The following GPANK1 variants were observed in gnomAD, a reference collection of about 807,000 sequenced individuals.
GPANK1 encodes G-patch domain and ankyrin repeats 1.
GPANK1 carries 22 observed loss-of-function variants against 24.0 expected under a neutral mutation model. That is an observed-to-expected ratio of 0.92 (90% confidence interval 0.66 to 1.31). The LOEUF is 1.31. GPANK1 is among the 50% of genes most tolerant of loss of function. The pLI, the probability that GPANK1 is intolerant of heterozygous loss-of-function variation, is 0.00. For synonymous variants in GPANK1, 174 were observed against 177.4 expected (o/e 0.98, Z 0.15); for missense variants, 469 against 453.5 (o/e 1.03, Z -0.31).
At position 31,661,230 on chromosome 6, in the gene GPANK1, G is replaced by C. The variant is rs1448555126; in HGVS notation, c.*1036C>G. The C allele has an allele frequency of 7.1e-6, 1 of 141,470 alleles. No homozygotes were observed. The highest frequency in any genetic ancestry group is 1.5e-5 in the Non-Finnish European group (1 of 66,486). The allele number at this position is 141,470 out of a possible 1,614,324, so 8.8% of individuals were successfully genotyped here. Reference sequence around the variant, plus strand: ...TGGGAAAGAAAAGTGTAGACAAATGGGTGGAACAAAGAAGTTTAAAGTTTA... The same window carrying C: ...TGGGAAAGAAAAGTGTAGACAAATGCGTGGAACAAAGAAGTTTAAAGTTTA... On this transcript the variant is annotated 3_prime_UTR_variant, in exon 3 of 3. Coordinates refer to ENST00000375896, the MANE Select transcript of GPANK1 (RefSeq NM_033177.4).
upstream of GPANK1, chr6:31,665,881 C>T: frequency 9.0e-7 from 1 of 1,107,608 alleles, no homozygotes. Context: ...CTTCCGGTGG[C>T]TTCTCGTTGT....
Position 31,664,331 on chromosome 6 carries a change from C to T in GPANK1, c.148G>A (p.Asp50Asn), listed in dbSNP as rs1043134390. 2 of 1,614,068 alleles carry T rather than the reference C, an allele frequency of 1.2e-6. No individual in the cohort carries two copies. Among genetic ancestry groups the T allele is most frequent in the African/African-American group, 2.7e-5 (2 of 74,906 alleles). ...TGGGAGTCAGGAGCGCTGCTCTCAT[C>T]CCCAATCAGGGCCTCATAGAAAGCT... is the stretch of plus-strand genomic sequence containing the variant. ...ARAFYEALIG[D>N]ESSAPDSQRS... is the part of the protein sequence containing the mutation. The change falls in exon 2 of 3, where the codon GAT (aspartate) becomes AAT (asparagine). Residue 50 changes from aspartate (D) to asparagine (N), a missense_variant. Asp to Asn is a conservative substitution (Grantham distance 23). Transcript: ENST00000375896.
chr6:31,665,871 C>T (rs2151178486), upstream of GPANK1: 1 of 1,114,624 alleles, frequency 9.0e-7, no homozygotes, highest in African/African-American at 1.6e-5. Flanking sequence ...CTGGCTTCCG[C>T]TTCCGGTGGC....
Position 31,662,544 on chromosome 6 carries a change from T to C in GPANK1, c.793A>G (p.Arg265Gly). ...CCCATTCCTGGCTCCCAGCCCCCCC[T>C]CAGCAGCAGTTTGAAGCCCGGGCTG... ...ISSPGFKLLLRGGWEPGMGLG... is the reference protein window; with the variant it reads ...ISSPGFKLLLGGGWEPGMGLG... Residue 265 changes from arginine to glycine, a missense_variant, in exon 3 of 3, where the codon AGG becomes GGG. By Grantham distance (125) the Arg-to-Gly change is moderately radical. Coordinates refer to ENST00000375896, the MANE Select transcript of GPANK1 (RefSeq NM_033177.4). The surrounding 1 kb of genome is among the most constrained non-coding windows in gnomAD (Gnocchi z 5.5). 6.2e-7 allele frequency: 1 copy of C among 1,612,808 alleles called. No individual in the cohort carries two copies. The highest frequency in any genetic ancestry group is 8.5e-7 in the Non-Finnish European group (1 of 1,179,930).
chr6:31,664,572 A>G lies in GPANK1; in HGVS notation c.-94T>C. On this transcript the variant is annotated 5_prime_UTR_variant, in exon 2 of 3. Coordinates refer to ENST00000375896, the MANE Select transcript of GPANK1 (RefSeq NM_033177.4). ...GTGACCCTGTAGCAACCACAGCCTCAGAGACCTGCTGGGATGAGAAAAAGT... is the reference window on the plus strand; with the variant it reads ...GTGACCCTGTAGCAACCACAGCCTCGGAGACCTGCTGGGATGAGAAAAAGT... 1 of 954,726 alleles carries G rather than the reference A, an allele frequency of 1.0e-6. No homozygotes were observed. 59.1% of individuals were successfully genotyped at this position (954,726 alleles called of 1,614,324 possible). A position where few individuals can be genotyped will look rare whatever the true frequency, so the allele number is the denominator to read the frequency against.
At position 31,664,367 on chromosome 6, in the gene GPANK1, C is replaced by A. The variant is rs1801342631; in HGVS notation, c.112G>T (p.Ala38Ser). Reference sequence around the variant, plus strand: ...GCCTCATAGAAAGCTCGGGCTGCAGCCCCATCCAGGGTGGACTCTGGCTTC... The same window carrying A: ...GCCTCATAGAAAGCTCGGGCTGCAGACCCATCCAGGGTGGACTCTGGCTTC... ...PEKPESTLDG[A>S]AARAFYEALI... Residue 38 changes from alanine to serine, a missense_variant, in exon 2 of 3, where the codon GCT becomes TCT. Physicochemically the swap from Ala to Ser is moderately conservative, Grantham distance 99. Coordinates refer to ENST00000375896, the MANE Select transcript of GPANK1 (RefSeq NM_033177.4). 1 of 1,614,184 alleles carries A rather than the reference C, an allele frequency of 6.2e-7. No individual in the cohort carries two copies. Among genetic ancestry groups the A allele is most frequent in the Non-Finnish European group, 8.5e-7 (1 of 1,180,000 alleles).
rs1468563321 is a variant in GPANK1 at position 31,661,840 on chromosome 6, G to C, written c.*426C>G. On this transcript the variant is annotated 3_prime_UTR_variant, in exon 3 of 3. Transcript: ENST00000375896. Reference sequence around the variant, plus strand: ...TTGTGAAATCAGTGAATTGGCTGTAGTCAGGGAACTCCTCCTGGGGGAAGT... The same window carrying C: ...TTGTGAAATCAGTGAATTGGCTGTACTCAGGGAACTCCTCCTGGGGGAAGT... 2 of 187,876 alleles carry C rather than the reference G, an allele frequency of 1.1e-5. No homozygotes were observed. The highest frequency in any genetic ancestry group is 2.2e-5 in the Non-Finnish European group (2 of 92,340). 11.6% of individuals were successfully genotyped at this position (187,876 alleles called of 1,614,324 possible). A position where few individuals can be genotyped will look rare whatever the true frequency, so the allele number is the denominator to read the frequency against.
At position 31,664,193 on chromosome 6, in the gene GPANK1, T is replaced by G; in HGVS notation, c.286A>C (p.Arg96=). 6.2e-7 allele frequency: 1 copy of G among 1,614,264 alleles called. No individual in the cohort carries two copies. The highest frequency in any genetic ancestry group is 8.5e-7 in the Non-Finnish European group (1 of 1,180,032). The part of the protein sequence containing the change: ...EGASGRHGQG[R]SLEAEDKMTH... ...ATCTTATCCTCAGCCTCAAGGGATCTCCCTTGTCCATGTCTTCCTGATGCT... is the reference window on the plus strand; with the variant it reads ...ATCTTATCCTCAGCCTCAAGGGATCGCCCTTGTCCATGTCTTCCTGATGCT... The change falls in exon 2 of 3, where the codon AGA becomes CGA. Residue 96 remains arginine, a synonymous_variant. Transcript: ENST00000375896.
At chr6:31,665,374 G>C, upstream of GPANK1, 1 of 1,381,680 alleles carries the variant, frequency 7.2e-7, no homozygotes, top group Non-Finnish European at 1.0e-6. Context: ...GCCGTGTAAT[G>C]AAATAACGTC....
In GPANK1 at chr6:31,662,639, G is replaced by T; in HGVS notation, c.698C>A (p.Ser233Tyr). Residue 233 changes from serine (S) to tyrosine (Y), a missense_variant, in exon 3 of 3, where the codon TCC becomes TAC. Coordinates refer to ENST00000375896, the MANE Select transcript of GPANK1 (RefSeq NM_033177.4). The surrounding 1 kb of genome is among the most constrained non-coding windows in gnomAD (Gnocchi z 5.5). ...THFQDSNHRT[S>Y]TAHLLSLSQG... ...CGACAGTGACAGCAGGTGAGCAGTGGATGTGCGGTGGTTGGAATCTTGGAA... is the reference window on the plus strand; with the variant it reads ...CGACAGTGACAGCAGGTGAGCAGTGTATGTGCGGTGGTTGGAATCTTGGAA... The T allele has an allele frequency of 6.2e-7, 1 of 1,612,704 alleles. No individual in the cohort carries two copies. Among genetic ancestry groups the T allele is most frequent in the Non-Finnish European group, 8.5e-7 (1 of 1,179,680 alleles).
At chr6:31,666,147 C>G (rs1399657654), upstream of GPANK1, 1 of 991,486 alleles carries the variant, frequency 1.0e-6, no homozygotes. Context: ...GTAGCGGTCG[C>G]CGCCGTTCCC....
In GPANK1 at chr6:31,664,126, G is replaced by A; in HGVS notation, c.353C>T (p.Pro118Leu). ...ILRAAQEGDL[P>L]ELRRLLEPHE... ...CGGTTCCAGCAGTCTCCTAAGTTCTGGCAGGTCCCCCTCCTGGGCTGCCCT... is the reference window on the plus strand; with the variant it reads ...CGGTTCCAGCAGTCTCCTAAGTTCTAGCAGGTCCCCCTCCTGGGCTGCCCT... Residue 118 changes from proline to leucine, a missense_variant, in exon 2 of 3, where the codon CCA (proline) becomes CTA (leucine). By Grantham distance (98) the Pro-to-Leu change is moderately conservative (BLOSUM62 -3). Coordinates refer to ENST00000375896, the MANE Select transcript of GPANK1 (RefSeq NM_033177.4). The A allele has an allele frequency of 6.2e-7, 1 of 1,614,182 alleles. No individual in the cohort carries two copies. The highest frequency in any genetic ancestry group is 8.5e-7 in the Non-Finnish European group (1 of 1,180,026).
chr6:31,662,555 T>A lies in GPANK1; in HGVS notation c.782A>T (p.Lys261Ile). Reference sequence around the variant, plus strand: ...CTCCCAGCCCCCCCTCAGCAGCAGTTTGAAGCCCGGGCTGGAGATGGGCAC... The same window carrying A: ...CTCCCAGCCCCCCCTCAGCAGCAGTATGAAGCCCGGGCTGGAGATGGGCAC... Reference protein sequence around the residue: ...LGVPISSPGFKLLLRGGWEPG... With the variant: ...LGVPISSPGFILLLRGGWEPG... Residue 261 changes from lysine (K) to isoleucine (I), a missense_variant, in exon 3 of 3, where the codon AAA becomes ATA. By Grantham distance (102) the Lys-to-Ile change is moderately radical. Transcript: ENST00000375896. The surrounding 1 kb of genome is among the most constrained non-coding windows in gnomAD (Gnocchi z 5.5). 3 of 1,612,938 alleles carry A rather than the reference T, an allele frequency of 1.9e-6. No individual in the cohort carries two copies. Among genetic ancestry groups the A allele is most frequent in the Non-Finnish European group, 1.7e-6 (2 of 1,179,972 alleles).
At position 31,664,135 on chromosome 6, in the gene GPANK1, C is replaced by G. The variant is rs1801293655; in HGVS notation, c.344G>C (p.Gly115Ala). The G allele has an allele frequency of 6.2e-7, 1 of 1,614,102 alleles. No homozygotes were observed. Among genetic ancestry groups the G allele is most frequent in the Admixed American group, 1.7e-5 (1 of 60,004 alleles). Reference sequence around the variant, plus strand: ...CAGTCTCCTAAGTTCTGGCAGGTCCCCCTCCTGGGCTGCCCTCAGTATCCG... The same window carrying G: ...CAGTCTCCTAAGTTCTGGCAGGTCCGCCTCCTGGGCTGCCCTCAGTATCCG... ...THRILRAAQE[G>A]DLPELRRLLE... The change falls in exon 2 of 3, where the codon GGG becomes GCG. Residue 115 changes from glycine to alanine, a missense_variant. Physicochemically the swap from Gly to Ala is moderately conservative, Grantham distance 60 (BLOSUM62 0). Transcript: ENST00000375896.
chr6:31,666,064 CT>C, upstream of GPANK1: 1 of 993,454 alleles, frequency 1.0e-6, no homozygotes, highest in Non-Finnish European at 1.2e-6. Flanking sequence ...GTGTTGCCCT[CT>C]TCCCCACCCT....
intron 2 of GPANK1, 70 bp downstream of exon 2, chr6:31,663,783 G>A (rs1198708163): frequency 3.9e-5 from 59 of 1,517,214 alleles, no homozygotes; most frequent in Middle Eastern, 1.8e-4. Flanking sequence ...GTGCTGGGGC[G>A]TCTGGTGTGG....
upstream of GPANK1, chr6:31,665,357 C>A: frequency 8.1e-7 from 1 of 1,232,198 alleles, no homozygotes; most frequent in Non-Finnish European, 1.2e-6. Context: ...CTGTGGAATG[C>A]CGAGAAGCCG....
upstream of GPANK1, chr6:31,665,453 G>T: frequency 6.4e-7 from 1 of 1,569,024 alleles, no homozygotes; most frequent in South Asian, 1.2e-5. Flanking sequence ...GGGAAATGGA[G>T]AAGTGCAAAG....
At chr6:31,665,516 G>C (rs1801546679), upstream of GPANK1, 2 of 1,554,248 alleles carry the variant, frequency 1.3e-6, no homozygotes, top group South Asian at 1.2e-5. Context: ...GGACGTTCCA[G>C]TTCTCACACC....
Sources: gnomAD v4.1 joint callset for allele counts on GRCh38, gnomAD v4.1.1 for gene constraint, Gnocchi (gnomAD v3.1) non-coding constraint, MANE v1.5 for transcripts, NCBI Gene and HGNC (gene_info 2026-07-23, HGNC 2026-07-21) for gene names.